AEN: variants seen among roughly 807,000 people sequenced by gnomAD.
AEN encodes apoptosis-enhancing nuclease.
A neutral mutation model predicts 17.7 loss-of-function variants in AEN; 21 were observed. That is an observed-to-expected ratio of 1.19 (90% CI 0.84 to 1.71). The LOEUF is 1.71. Ranked by LOEUF, AEN falls within the 40% of genes most tolerant of loss-of-function variation. The pLI is 0.00. For missense variants in AEN, 462 were observed against 435.9 expected (o/e 1.06, Z -0.53); for synonymous variants, 190 against 173.0 (o/e 1.10, Z -0.77).
chr15:88,605,450 C>A, the AEN span, among the ~76,000 whole-genome samples: 1 of 152,198 alleles, frequency 6.6e-6, no homozygotes, highest in African/African-American at 2.4e-5. This position sits in a 1 kb window ranked among gnomAD's most constrained non-coding sequence, Gnocchi z 7.6. Flanking sequence ...CTTTGCTTTG[C>A]CTGCCACCAG....
rs549443521 is a variant in AEN at position 88,626,735 on chromosome 15, G to T, written c.526G>T (p.Val176Leu). ...QHMRKAVPFQ[V>L]AQKEILKLLK... The stretch of plus-strand genomic sequence containing the variant: ...CATGCGCAAGGCTGTCCCCTTCCAG[G>T]TGGCCCAGAAAGAGGTAAGGGCAGG... Residue 176 changes from valine to leucine, a missense_variant, in exon 2 of 4, where the codon GTG (valine) becomes TTG (leucine). By Grantham distance (32) the Val-to-Leu change is conservative. Coordinates refer to ENST00000332810, the MANE Select transcript of AEN (RefSeq NM_022767.4). The T allele has an allele frequency of 1.2e-5, 20 of 1,609,352 alleles. No homozygotes were observed. The East Asian group carries it at 4.2e-4, about 34-fold the overall frequency.
chr15:88,627,109 T>C, intron 2 of AEN: 1 of 235,028 alleles, frequency 4.3e-6, no homozygotes, highest in Non-Finnish European at 8.5e-6. Context: ...TTTTGGCATA[T>C]TTCCTTATGT....
chr15:88,610,436 CG>C, the AEN span, among the ~76,000 whole-genome samples: 5 of 151,850 alleles, frequency 3.3e-5, no homozygotes, highest in African/African-American at 1.2e-4. Context: ...CACCTCACTG[CG>C]GGGTAGACTG....
chr15:88,620,663 C>T (rs567415961), upstream of AEN, among the ~76,000 whole-genome samples: 2 of 152,164 alleles, frequency 1.3e-5, no homozygotes, highest in East Asian at 3.9e-4. Flanking sequence ...CTGCCTCGGC[C>T]TCCCAAAGTG....
intron 2 of AEN, chr15:88,628,861 TG>T (rs1482671936): frequency 6.1e-5 from 13 of 211,946 alleles, no homozygotes; most frequent in Non-Finnish European, 1.1e-4. Flanking sequence ...GTGGGAGGCC[TG>T]GTGACGTCTT....
At chr15:88,621,541 G>A (rs2057788209) in intron 1 of AEN, 159 bp downstream of exon 1, 1 of 152,254 alleles carries the variant, frequency 6.6e-6, no homozygotes, top group African/African-American at 2.4e-5. Flanking sequence ...AAGCAGGCCG[G>A]GCGCCGCCTG....
chr15:88,605,873 G>C, the AEN span, among the ~76,000 whole-genome samples: 1 of 152,244 alleles, frequency 6.6e-6, no homozygotes, highest in Non-Finnish European at 1.5e-5. The surrounding 1 kb of genome is among the most constrained non-coding windows in gnomAD (Gnocchi z 7.6). Flanking sequence ...GCCTGCGCAC[G>C]GCTCGGCCTC....
chr15:88,628,870 C>A, intron 2 of AEN: 1 of 222,928 alleles, frequency 4.5e-6, no homozygotes. Flanking sequence ...CTGGTGACGT[C>A]TTCCAGGCTG....
At chr15:88,605,099 C>G in the AEN span, 3 of 152,504 alleles carry the variant, frequency 2.0e-5, no homozygotes. This position sits in a 1 kb window ranked among gnomAD's most constrained non-coding sequence, Gnocchi z 7.6. Flanking sequence ...GGCTTGGCAC[C>G]CGCCAAATGT....
At chr15:88,607,960 A>C in the AEN span, 1 of 291,790 alleles carries the variant, frequency 3.4e-6, no homozygotes, top group South Asian at 3.6e-5. Context: ...GCTTTCCTTT[A>C]TGAATTGTCC....
At chr15:88,629,520 C>G in intron 3 of AEN, 94 bp downstream of exon 3, 1 of 1,435,732 alleles carries the variant, frequency 7.0e-7, no homozygotes, top group East Asian at 2.3e-5. Context: ...TGTCTCCAGC[C>G]TCCTTGTCAT....
chr15:88,630,068 A>G lies in AEN; in HGVS notation c.752A>G (p.His251Arg), dbSNP rs370086281. Residue 251 changes from histidine to arginine, a missense_variant, in exon 4 of 4, where the codon CAC becomes CGC. Coordinates refer to ENST00000332810, the MANE Select transcript of AEN (RefSeq NM_022767.4). This position sits in a 1 kb window ranked among gnomAD's most constrained non-coding sequence, Gnocchi z 5.1. Reference sequence around the variant, plus strand: ...GGCTCTCGTCAGTAGGTGGGCCAGCACGGGCACTCATCAGTAGAAGATGCC... The same window carrying G: ...GGCTCTCGTCAGTAGGTGGGCCAGCGCGGGCACTCATCAGTAGAAGATGCC... ...LLHKKIQVGQHGHSSVEDATT... is the reference protein window; with the variant it reads ...LLHKKIQVGQRGHSSVEDATT... The G allele has an allele frequency of 7.4e-6, 12 of 1,613,918 alleles. 1 individual carries two copies. In the South Asian group the frequency reaches 7.7e-5, roughly 10 times the overall value.
upstream of AEN, among the ~76,000 whole-genome samples, chr15:88,620,905 T>G (rs2057777748): frequency 6.6e-6 from 1 of 152,152 alleles, no homozygotes; most frequent in Non-Finnish European, 1.5e-5. Context: ...AAGTCTCTCT[T>G]TAGTGCCTAC....
upstream of AEN, among the ~76,000 whole-genome samples, chr15:88,619,899 C>G (rs918311126): frequency 7.9e-5 from 12 of 152,084 alleles, no homozygotes; most frequent in African/African-American, 2.7e-4. Flanking sequence ...CATGATCTTC[C>G]AAATTTCCAC....
upstream of AEN, among the ~76,000 whole-genome samples, chr15:88,620,017 A>G (rs1395715193): frequency 6.6e-6 from 1 of 152,108 alleles, no homozygotes; most frequent in East Asian, 1.9e-4. Flanking sequence ...TATGGCTTAA[A>G]TCCCTCTGCC....
Position 88,629,327 on chromosome 15 carries a change from G to C in AEN, c.642G>C (p.Thr214=), listed in dbSNP as rs3743475. 1,441,116 of 1,613,930 alleles carry C rather than the reference G, an allele frequency of 0.89. 649,846 individuals carry two copies. Among genetic ancestry groups the C allele is most frequent in the Non-Finnish European group, 0.93 (1,093,326 of 1,180,000 alleles). Residue 214 remains threonine, a synonymous_variant, in exon 3 of 4, where the codon ACG becomes ACC. Transcript: ENST00000332810. ...ACCCTCGGAGCCAGACCCGGGATACGACCTATGTCCCAAACTTCCTCAGCG... is the reference window on the plus strand; with the variant it reads ...ACCCTCGGAGCCAGACCCGGGATACCACCTATGTCCCAAACTTCCTCAGCG... ...YVHPRSQTRD[T]TYVPNFLSEP... is the part of the protein sequence containing the mutation.
At chr15:88,607,479 A>G in the AEN span, among the ~76,000 whole-genome samples, 6 of 152,372 alleles carry the variant, frequency 3.9e-5, no homozygotes, top group East Asian at 1.2e-3. Flanking sequence ...AGTTACCAGA[A>G]CAGCCTGTGC....
the AEN span, among the ~76,000 whole-genome samples, chr15:88,613,958 A>C: frequency 3.3e-5 from 5 of 152,178 alleles, no homozygotes; most frequent in Admixed American, 3.3e-4. Flanking sequence ...AAATAGGAAA[A>C]AATGGAAACC....
upstream of AEN, among the ~76,000 whole-genome samples, chr15:88,617,839 G>C (rs199755476): frequency 8.6e-5 from 13 of 151,898 alleles, no homozygotes; most frequent in South Asian, 1.2e-3. Flanking sequence ...TGATCAGCTG[G>C]AAAAAAATGC....
Sources: gnomAD v4.1 joint callset for allele counts (sites outside exome capture counted in the v4.1 genomes callset) on GRCh38, gnomAD v4.1.1 for gene constraint, Gnocchi (gnomAD v3.1) non-coding constraint, MANE v1.5 for transcripts, NCBI Gene and HGNC (gene_info 2026-07-23, HGNC 2026-07-21) for gene names.